Variants in SPAG16 observed in about 807,000 individuals in gnomAD.
SPAG16 encodes sperm associated antigen 16.
SPAG16 carries 86 observed loss-of-function variants against 80.4 expected under a neutral mutation model. The ratio of observed to expected loss-of-function variants is 1.07; its 90% CI spans 0.90 to 1.28. SPAG16 has a LOEUF of 1.28. SPAG16 is among the 50% of genes most tolerant of loss of function. The probability of loss-of-function intolerance (pLI) is 0.00; values close to 1 mark genes in which losing one functional copy is unlikely to be tolerated. For synonymous variants in SPAG16, 294 were observed against 265.9 expected (o/e 1.11, Z -1.03); for missense variants, 870 against 765.3 (o/e 1.14, Z -1.61).
rs5838427 is a variant in SPAG16 at position 214,325,724 on chromosome 2, C to CTT, written c.1721-84406_1721-84405dup. Among the ~76,000 whole-genome samples the CTT allele has an allele frequency of 9.8e-3, 1,474 of 150,324 alleles. 19 individuals carry two copies. The highest frequency in any genetic ancestry group is 0.015 in the Non-Finnish European group (1,000 of 67,542). The stretch of plus-strand genomic sequence containing the variant: ...CAGACTATTCCTTATTATTGATTAG[C>CTT]TTTTTTTTTTTACATGTATTCCAGT... On this transcript the variant is annotated intron_variant, in intron 15 of 15. Transcript: ENST00000331683.
chr2:214,271,852 C>CCCCAA (rs1553541535), intron 15 of SPAG16, among the ~76,000 whole-genome samples: 2 of 140,636 alleles, frequency 1.4e-5, no homozygotes, highest in Admixed American at 6.9e-5. Context: ...ACCCCCCCCC[C>CCCCAA]AAAAAAAAAG....
chr2:213,436,353 A>C (rs537676274), intron 9 of SPAG16, among the ~76,000 whole-genome samples: 2 of 152,174 alleles, frequency 1.3e-5, no homozygotes, highest in Admixed American at 1.3e-4. Context: ...AAAGCAGTTA[A>C]ATTTATTTGT....
intron 12 of SPAG16, among the ~76,000 whole-genome samples, chr2:213,963,900 A>G (rs749026996): frequency 8.6e-5 from 13 of 152,036 alleles, no homozygotes; most frequent in South Asian, 4.1e-4. Flanking sequence ...ATTCTTTTCA[A>G]TCTATTTGTA....
chr2:213,413,453 C>A (rs1313904768), intron 9 of SPAG16, among the ~76,000 whole-genome samples: 1 of 152,034 alleles, frequency 6.6e-6, no homozygotes, highest in Non-Finnish European at 1.5e-5. Context: ...AATTGTTGAG[C>A]ATCTCATCAT....
At position 213,817,451 on chromosome 2, in the gene SPAG16, A is replaced by G. The variant is rs2072624269; in HGVS notation, c.1071-45034A>G. 2.0e-5 allele frequency among the ~76,000 whole-genome samples: 3 copies of G among 151,912 alleles called. No individual in the cohort carries two copies. The South Asian group carries it at 6.2e-4, about 31-fold the overall frequency. On this transcript the variant is annotated intron_variant, in intron 10 of 15. Coordinates refer to ENST00000331683, the MANE Select transcript of SPAG16 (RefSeq NM_024532.5). ...GAGATTTCTCAAATAATTTCAAACT[A>G]CCATTTGATGCAGTAATCTCACTAC...
At chr2:213,534,934 G>T (rs1378926747) in intron 10 of SPAG16, among the ~76,000 whole-genome samples, 1 of 152,082 alleles carries the variant, frequency 6.6e-6, no homozygotes, top group African/African-American at 2.4e-5. Flanking sequence ...AATCCAGTAT[G>T]ACTGGTGTTC....
At position 214,116,516 on chromosome 2, in the gene SPAG16, C is replaced by T. The variant is rs952716718; in HGVS notation, c.1593+8255C>T. On this transcript the variant is annotated intron_variant, in intron 14 of 15. Coordinates refer to ENST00000331683, the MANE Select transcript of SPAG16 (RefSeq NM_024532.5). ...CTCACGTGGGCCAGTGAGACAGGTT[C>T]GTCAGCTGCTGTCACACAGCAGATC... is the stretch of plus-strand genomic sequence containing the variant. Among the ~76,000 whole-genome samples, 9 of 152,218 alleles carry T rather than the reference C, an allele frequency of 5.9e-5. No individual in the cohort carries two copies. In the East Asian group the frequency reaches 9.7e-4, roughly 16 times the overall value.
intron 10 of SPAG16, among the ~76,000 whole-genome samples, chr2:213,747,309 T>A (rs1001758819): frequency 6.6e-6 from 1 of 152,246 alleles, no homozygotes; most frequent in Non-Finnish European, 1.5e-5. Flanking sequence ...TTTTAAAAAA[T>A]TTATGAAGTA....
At chr2:213,794,541 A>G (rs972717061) in intron 10 of SPAG16, among the ~76,000 whole-genome samples, 1 of 152,014 alleles carries the variant, frequency 6.6e-6, no homozygotes, top group African/African-American at 2.4e-5. Context: ...CATTTGTTTT[A>G]AACTTTTCTT....
intron 14 of SPAG16, among the ~76,000 whole-genome samples, chr2:214,134,760 CT>C (rs1183785211): frequency 6.6e-6 from 1 of 152,146 alleles, no homozygotes; most frequent in African/African-American, 2.4e-5. Flanking sequence ...TCAACATTCC[CT>C]TTAACGTATC....
Position 214,069,709 on chromosome 2 carries a change from T to G in SPAG16, c.1528-38487T>G, listed in dbSNP as rs150066943. Among the ~76,000 whole-genome samples the G allele has an allele frequency of 4.1e-4, 62 of 152,196 alleles. No individual in the cohort carries two copies. The East Asian group carries it at 0.01, about 25-fold the overall frequency. On this transcript the variant is annotated intron_variant, in intron 13 of 15. Coordinates refer to ENST00000331683, the MANE Select transcript of SPAG16 (RefSeq NM_024532.5). ...CTTGTTCCCTTCTGTCACCTTTTTT[T>G]TTGTTGTTTTTAAGCCCTCAGTATT... is the stretch of plus-strand genomic sequence containing the variant.
At chr2:214,043,167 G>C (rs531442458) in intron 13 of SPAG16, among the ~76,000 whole-genome samples, 5 of 151,378 alleles carry the variant, frequency 3.3e-5, no homozygotes, top group African/African-American at 1.2e-4. Flanking sequence ...TGACAACCTT[G>C]AGATCACCTC....
At chr2:214,135,876 C>A (rs928765999) in intron 14 of SPAG16, among the ~76,000 whole-genome samples, 1 of 152,110 alleles carries the variant, frequency 6.6e-6, no homozygotes, top group African/African-American at 2.4e-5. Context: ...CTATAGTCTG[C>A]CGACTGCAGG....
chr2:213,610,991 G>T (rs532890669), intron 10 of SPAG16, among the ~76,000 whole-genome samples: 2 of 152,206 alleles, frequency 1.3e-5, no homozygotes, highest in East Asian at 1.9e-4. Flanking sequence ...ACATCTAGAG[G>T]CCAGGAACAC....
chr2:213,661,390 A>G (rs1049639022), intron 10 of SPAG16, among the ~76,000 whole-genome samples: 2 of 152,212 alleles, frequency 1.3e-5, no homozygotes, highest in African/African-American at 2.4e-5. Flanking sequence ...AATGATTAAG[A>G]TACAACTATT....
chr2:214,238,373 G>A (rs1689221104), intron 15 of SPAG16: 2 of 166,458 alleles, frequency 1.2e-5, no homozygotes, highest in South Asian at 1.4e-4. Flanking sequence ...TTGAAATGAA[G>A]GTGCACTTTA....
intron 10 of SPAG16, among the ~76,000 whole-genome samples, chr2:213,575,925 T>G (rs983121975): frequency 1.3e-5 from 2 of 152,188 alleles, no homozygotes; most frequent in Non-Finnish European, 2.9e-5. Context: ...GATTCCTATG[T>G]TTTTCATACT....
intron 12 of SPAG16, among the ~76,000 whole-genome samples, chr2:213,987,441 A>T (rs193180291): frequency 6.6e-6 from 1 of 152,038 alleles, no homozygotes; most frequent in African/African-American, 2.4e-5. Flanking sequence ...TCTCAGACTG[A>T]TTTTCTGATA....
chr2:214,015,717 G>T (rs766958873), intron 13 of SPAG16, among the ~76,000 whole-genome samples: 2 of 152,154 alleles, frequency 1.3e-5, no homozygotes, highest in Non-Finnish European at 2.9e-5. Context: ...ACACCATCCT[G>T]TCCTGGCTGA....
Sources: allele counts gnomAD v4.1 joint callset (sites outside exome capture counted in the v4.1 genomes callset), GRCh38; gene constraint gnomAD v4.1.1; transcripts MANE v1.5; gene names NCBI Gene and HGNC (gene_info 2026-07-23, HGNC 2026-07-21).